The following STAU1 variants were observed in gnomAD, a reference collection of about 807,000 sequenced individuals.
STAU1 encodes the protein staufen double-stranded RNA binding protein 1.
STAU1 carries 13 observed loss-of-function variants against 62.9 expected under a neutral mutation model. The ratio of observed to expected loss-of-function variants is 0.21; its 90% CI spans 0.13 to 0.33. STAU1 has a LOEUF of 0.33. Among genes scored for constraint, STAU1 ranks in the 10% least tolerant of loss-of-function variants. STAU1 has a pLI of 1.00. For synonymous variants in STAU1, 269 were observed against 265.1 expected (o/e 1.01, Z -0.14); for missense variants, 571 against 712.1 (o/e 0.80, Z 2.25).
chr20:49,144,492 A>T lies in STAU1; in HGVS notation c.510+7090T>A, dbSNP rs566366441. 1.2e-4 allele frequency among the ~76,000 whole-genome samples: 19 copies of T among 152,346 alleles called. 3 individuals carry two copies. The South Asian group carries it at 3.9e-3, about 32-fold the overall frequency. On this transcript the variant is annotated intron_variant, in intron 5 of 13. Transcript: ENST00000371856. The stretch of plus-strand genomic sequence containing the variant: ...AGACTCACAGTCTGCGATTTTGCTT[A>T]GACAATCTCACCATCATCATTACAG...
chr20:49,199,520 C>T, the STAU1 span, among the ~76,000 whole-genome samples: 3 of 151,740 alleles, frequency 2.0e-5, no homozygotes, highest in South Asian at 2.1e-4. Context: ...TGAGCCACCG[C>T]GCCCGGCCAT....
At chr20:49,144,550 G>A (rs1160757577) in intron 5 of STAU1, among the ~76,000 whole-genome samples, 2 of 152,054 alleles carry the variant, frequency 1.3e-5, no homozygotes, top group Admixed American at 1.3e-4. Flanking sequence ...GTCTTTTTGT[G>A]TTCATCTTCT....
In STAU1 at chr20:49,160,862, C is replaced by T. The variant is rs149842657; in HGVS notation, c.205+5135G>A. Reference sequence around the variant, plus strand: ...AAACTGTTTTCCCATCACCTCTTCTCCCTGCCCTAAGGTCCTTGTGCAAAC... The same window carrying T: ...AAACTGTTTTCCCATCACCTCTTCTTCCTGCCCTAAGGTCCTTGTGCAAAC... On this transcript the variant is annotated intron_variant, in intron 3 of 13. Coordinates refer to ENST00000371856, the MANE Select transcript of STAU1 (RefSeq NM_017453.4). Among the ~76,000 whole-genome samples, 19 of 152,290 alleles carry T rather than the reference C, an allele frequency of 1.2e-4. No homozygotes were observed. In the East Asian group the frequency reaches 2.5e-3, roughly 20 times the overall value.
intron 8 of STAU1, among the ~76,000 whole-genome samples, chr20:49,121,391 G>A (rs2092462247): frequency 6.6e-6 from 1 of 152,144 alleles, no homozygotes. Flanking sequence ...CTGGACAACA[G>A]AGCAAGTTGA....
chr20:49,117,287 G>T lies in STAU1; in HGVS notation c.1510-39C>A. On this transcript the variant is annotated intron_variant, in intron 11 of 13. Transcript: ENST00000371856. This position sits in a 1 kb window ranked among gnomAD's most constrained non-coding sequence, Gnocchi z 4.6. ...GAGAGCTGAGGCTAGGTAGGGAACA[G>T]CAAGTATGAGTGGGCTGGAGGGCTG... The T allele has an allele frequency of 6.2e-7, 1 of 1,610,612 alleles. No individual in the cohort carries two copies. The highest frequency in any genetic ancestry group is 2.2e-5 in the East Asian group (1 of 44,850).
chr20:49,191,089 G>A (rs539734827), upstream of STAU1, among the ~76,000 whole-genome samples: 57 of 151,128 alleles, frequency 3.8e-4, no homozygotes, highest in South Asian at 1.5e-3. Context: ...GTGCAGTGGC[G>A]CGATCTCGGC....
At chr20:49,142,655 T>C (rs1368573807) in intron 5 of STAU1, among the ~76,000 whole-genome samples, 4 of 152,168 alleles carry the variant, frequency 2.6e-5, no homozygotes, top group Admixed American at 1.3e-4. Context: ...AGTATTTGTT[T>C]ATTTTTTAAA....
intron 5 of STAU1, among the ~76,000 whole-genome samples, chr20:49,142,437 T>C (rs930928155): frequency 7.2e-5 from 11 of 152,178 alleles, no homozygotes; most frequent in African/African-American, 2.7e-4. Flanking sequence ...ATGCTCCTTT[T>C]CTATTTTATA....
intron 1 of STAU1, among the ~76,000 whole-genome samples, chr20:49,187,409 G>A (rs2093801381): frequency 6.6e-6 from 1 of 152,180 alleles, no homozygotes; most frequent in Non-Finnish European, 1.5e-5. Flanking sequence ...TGGGCACGCG[G>A]AACACTGCAG....
At chr20:49,190,883 T>G (rs2093830257), upstream of STAU1, among the ~76,000 whole-genome samples, 1 of 147,428 alleles carries the variant, frequency 6.8e-6, no homozygotes, top group Admixed American at 6.9e-5. Context: ...GCAAAACTCA[T>G]AAAAGCCCTG....
At chr20:49,148,606 ACT>A (rs1268602454) in intron 5 of STAU1, among the ~76,000 whole-genome samples, 1 of 152,182 alleles carries the variant, frequency 6.6e-6, no homozygotes, top group African/African-American at 2.4e-5. Context: ...TCTACTTCCA[ACT>A]CTACAGAGCT....
chr20:49,127,667 T>C (rs188142447), intron 6 of STAU1, among the ~76,000 whole-genome samples: 2 of 151,786 alleles, frequency 1.3e-5, no homozygotes, highest in Non-Finnish European at 2.9e-5. Context: ...GATCGCGCCA[T>C]TGCATTCCAG....
At chr20:49,147,124 T>G (rs1365296431) in intron 5 of STAU1, among the ~76,000 whole-genome samples, 2 of 152,230 alleles carry the variant, frequency 1.3e-5, no homozygotes, top group African/African-American at 4.8e-5. Flanking sequence ...GAAATGTCTC[T>G]TCCTCTGAAA....
In STAU1 at chr20:49,129,623, T is replaced by A. The variant is rs1267500260; in HGVS notation, c.610-5036A>T. Among the ~76,000 whole-genome samples the A allele has an allele frequency of 2.7e-5, 4 of 150,332 alleles. 1 individual carries two copies. The East Asian group carries it at 5.8e-4, about 22-fold the overall frequency. On this transcript the variant is annotated intron_variant, in intron 6 of 13. Transcript: ENST00000371856. The stretch of plus-strand genomic sequence containing the variant: ...TGATACATCTGGTTTAGAAAACAGT[T>A]TGGCAACTTTTTTTTTTTTTTTTTT...
At chr20:49,201,761 A>T in the STAU1 span, among the ~76,000 whole-genome samples, 4 of 143,402 alleles carry the variant, frequency 2.8e-5, no homozygotes, top group African/African-American at 7.5e-5. Context: ...AAAAAAAAAA[A>T]TGGGGAGGGG....
At chr20:49,134,846 A>T in intron 6 of STAU1, 1 of 1,554,694 alleles carries the variant, frequency 6.4e-7, no homozygotes. Flanking sequence ...ACCTGCAAAC[A>T]AACAGGAAGA....
At chr20:49,208,483 G>A in the STAU1 span, among the ~76,000 whole-genome samples, 19 of 152,150 alleles carry the variant, frequency 1.2e-4, no homozygotes, top group South Asian at 4.1e-4. Flanking sequence ...GATTACAGGC[G>A]TGAGCCACCA....
intron 5 of STAU1, among the ~76,000 whole-genome samples, chr20:49,138,178 G>A (rs2092931555): frequency 6.6e-6 from 1 of 152,132 alleles, no homozygotes; most frequent in Non-Finnish European, 1.5e-5. Flanking sequence ...AGCTACTTGG[G>A]AGGCTGAGGG....
chr20:49,151,589 C>A lies in STAU1; in HGVS notation c.503G>T (p.Arg168Met). Reference protein sequence around the residue: ...RILQNEPLPERLEVNGRESEE... With the variant: ...RILQNEPLPEMLEVNGRESEE... ...CTGGGCTCAACTCCTCACCTCCAGC[C>A]TCTCTGGCAGGGGCTCATTCTGCAG... The change falls in exon 5 of 14, where the codon AGG (arginine) becomes ATG (methionine). Residue 168 changes from arginine (R) to methionine (M), a missense_variant. By Grantham distance (91) the Arg-to-Met change is moderately conservative. Around this residue, in one of 3 missense-constraint regions of STAU1, gnomAD observed 414 missense variants for 499.6 expected, o/e 0.83. Transcript: ENST00000371856. The A allele has an allele frequency of 6.2e-7, 1 of 1,605,392 alleles. No homozygotes were observed. The highest frequency in any genetic ancestry group is 1.1e-5 in the South Asian group (1 of 89,434).
Sources: allele counts gnomAD v4.1 joint callset (sites outside exome capture counted in the v4.1 genomes callset), GRCh38; gene constraint gnomAD v4.1.1; regional missense constraint gnomAD v4.1.1; non-coding constraint Gnocchi (gnomAD v3.1); transcripts MANE v1.5; gene names NCBI Gene and HGNC (gene_info 2026-07-23, HGNC 2026-07-21).